Variants in ALCAM observed in about 807,000 individuals in gnomAD.
ALCAM encodes CD166 antigen.
ALCAM carries 30 observed loss-of-function variants against 70.9 expected under a neutral mutation model. That is an observed-to-expected ratio of 0.42 (90% CI 0.32 to 0.57). The LOEUF (loss-of-function observed/expected upper bound fraction) is 0.57, where lower values mean the gene tolerates loss of function less well. ALCAM is among the 20% of genes least tolerant of loss of function. The probability of loss-of-function intolerance (pLI) is 0.11; values close to 1 mark genes in which losing one functional copy is unlikely to be tolerated. For missense variants in ALCAM, 591 were observed against 695.1 expected (o/e 0.85, Z 1.68); for synonymous variants, 249 against 242.5 (o/e 1.03, Z -0.25).
At chr3:105,429,405 C>T (rs1936871662) in intron 1 of ALCAM, among the ~76,000 whole-genome samples, 2 of 151,968 alleles carry the variant, frequency 1.3e-5, no homozygotes, top group African/African-American at 2.4e-5. Flanking sequence ...AAGTCACAGG[C>T]ATATGAACTA....
intron 12 of ALCAM, among the ~76,000 whole-genome samples, chr3:105,551,568 G>A (rs938970468): frequency 3.3e-5 from 5 of 151,352 alleles, no homozygotes; most frequent in Non-Finnish European, 5.9e-5. Flanking sequence ...TCAACACAGT[G>A]GTAATTCTTA....
chr3:105,446,935 T>C (rs1410716477), intron 1 of ALCAM, among the ~76,000 whole-genome samples: 1 of 152,120 alleles, frequency 6.6e-6, no homozygotes, highest in Non-Finnish European at 1.5e-5. Flanking sequence ...GGTTCTGGTG[T>C]TCTATTGCAC....
chr3:105,560,107 G>C (rs1281968554), intron 14 of ALCAM, among the ~76,000 whole-genome samples: 1 of 152,098 alleles, frequency 6.6e-6, no homozygotes, highest in Non-Finnish European at 1.5e-5. Flanking sequence ...TCTTCCAGCA[G>C]ACATTTGTTT....
intron 1 of ALCAM, among the ~76,000 whole-genome samples, chr3:105,402,516 A>G (rs894184309): frequency 6.6e-6 from 1 of 152,152 alleles, no homozygotes; most frequent in Non-Finnish European, 1.5e-5. Context: ...CCTGCTGCAT[A>G]GAAATAGACT....
chr3:105,493,507 G>A lies in ALCAM; in HGVS notation c.74-26560G>A, dbSNP rs538780597. Among the ~76,000 whole-genome samples, 6 of 152,120 alleles carry A rather than the reference G, an allele frequency of 3.9e-5. No homozygotes were observed. In the South Asian group the frequency reaches 1.0e-3, roughly 26 times the overall value. ...GGAGATTATCATGGATTATCCAGTC[G>A]GGCTCAACCTAATTACATGAGGCCT... On this transcript the variant is annotated intron_variant, in intron 1 of 15. Coordinates refer to ENST00000306107, the MANE Select transcript of ALCAM (RefSeq NM_001627.4).
At chr3:105,404,940 C>G (rs1294382923) in intron 1 of ALCAM, among the ~76,000 whole-genome samples, 3 of 151,996 alleles carry the variant, frequency 2.0e-5, no homozygotes, top group Non-Finnish European at 2.9e-5. Flanking sequence ...ATTAGCTGTT[C>G]TTATGTCAGA....
chr3:105,372,537 T>C (rs1001036264), intron 1 of ALCAM, among the ~76,000 whole-genome samples: 11 of 152,084 alleles, frequency 7.2e-5, no homozygotes, highest in Non-Finnish European at 1.5e-4. Flanking sequence ...CAGTTCTCAA[T>C]TATCCATTCC....
chr3:105,403,387 C>A (rs1936140776), intron 1 of ALCAM, among the ~76,000 whole-genome samples: 1 of 152,160 alleles, frequency 6.6e-6, no homozygotes. Context: ...GCTGCGAGAC[C>A]TGAAAACGGA....
At chr3:105,406,423 T>G (rs1936233923) in intron 1 of ALCAM, among the ~76,000 whole-genome samples, 1 of 152,144 alleles carries the variant, frequency 6.6e-6, no homozygotes, top group Non-Finnish European at 1.5e-5. Context: ...TCCCAGCCAT[T>G]GTATAAGGGC....
Position 105,414,298 on chromosome 3 carries a change from C to G in ALCAM, c.73+46817C>G, listed in dbSNP as rs117623948. ...AGGTGTGGTGCTGCGCACCTATGGT[C>G]CTAGGAACTCAGGAGGCTGAGGTGG... On this transcript the variant is annotated intron_variant, in intron 1 of 15. Coordinates refer to ENST00000306107, the MANE Select transcript of ALCAM (RefSeq NM_001627.4). Among the ~76,000 whole-genome samples the G allele has an allele frequency of 2.7e-4, 41 of 151,620 alleles. No individual in the cohort carries two copies. The East Asian group carries it at 8.0e-3, about 30-fold the overall frequency.
rs181704656 is a variant in ALCAM, at chr3:105,493,022, G to T, written c.74-27045G>T. Among the ~76,000 whole-genome samples the T allele has an allele frequency of 6.1e-4, 92 of 151,868 alleles. 1 individual carries two copies. The highest frequency in any genetic ancestry group is 5.4e-4 in the Non-Finnish European group (37 of 67,898). ...ATTAAGTACTTTAGATATTTTTTAG[G>T]TTTGATACAAATTAAATTTCAACTT... On this transcript the variant is annotated intron_variant, in intron 1 of 15. Transcript: ENST00000306107.
Position 105,450,581 on chromosome 3 carries a change from A to G in ALCAM, c.74-69486A>G, listed in dbSNP as rs529069750. 3.3e-5 allele frequency among the ~76,000 whole-genome samples: 5 copies of G among 152,346 alleles called. No homozygotes were observed. The East Asian group carries it at 9.6e-4, about 29-fold the overall frequency. On this transcript the variant is annotated intron_variant, in intron 1 of 15. Transcript: ENST00000306107. ...TGTATGGGTGCCATAAGTCTCTTTG[A>G]GAAAACTAATGATAATAATAGTAAT...
intron 1 of ALCAM, among the ~76,000 whole-genome samples, chr3:105,423,672 G>A (rs1050555059): frequency 2.0e-5 from 3 of 151,462 alleles, no homozygotes; most frequent in Non-Finnish European, 4.4e-5. Flanking sequence ...TATTTCGCTA[G>A]AAATTTATAC....
intron 1 of ALCAM, among the ~76,000 whole-genome samples, chr3:105,484,320 A>G (rs1026960703): frequency 6.7e-6 from 1 of 150,062 alleles, no homozygotes; most frequent in African/African-American, 2.4e-5. Context: ...TTATTTATAT[A>G]AACTGGGAAA....
rs550055574 is a variant in ALCAM, at chr3:105,377,095, A to G, written c.73+9614A>G. Reference sequence around the variant, plus strand: ...AATAAAGTGGAAACATACCATATACATCATTTTGTACCTTTCCTTTTTCAT... The same window carrying G: ...AATAAAGTGGAAACATACCATATACGTCATTTTGTACCTTTCCTTTTTCAT... On this transcript the variant is annotated intron_variant, in intron 1 of 15. Transcript: ENST00000306107. Among the ~76,000 whole-genome samples, 94 of 152,302 alleles carry G rather than the reference A, an allele frequency of 6.2e-4. 3 individuals carry two copies. Among genetic ancestry groups the G allele is most frequent in the Non-Finnish European group, 1.6e-4 (11 of 68,004 alleles).
intron 14 of ALCAM, among the ~76,000 whole-genome samples, chr3:105,558,986 C>T (rs1459385126): frequency 6.6e-6 from 1 of 151,922 alleles, no homozygotes. Context: ...AGGCCAAGAC[C>T]CCTCTCTGCC....
At chr3:105,414,762 G>T (rs1362113870) in intron 1 of ALCAM, among the ~76,000 whole-genome samples, 1 of 152,064 alleles carries the variant, frequency 6.6e-6, no homozygotes, top group Non-Finnish European at 1.5e-5. Flanking sequence ...TATTGAAGAA[G>T]GACTTGAATT....
intron 1 of ALCAM, among the ~76,000 whole-genome samples, chr3:105,442,869 C>T (rs903218786): frequency 1.3e-5 from 2 of 152,168 alleles, no homozygotes; most frequent in African/African-American, 2.4e-5. Flanking sequence ...AGGTCTCCTT[C>T]TGTTGCGCAT....
chr3:105,392,524 T>A (rs910068929), intron 1 of ALCAM, among the ~76,000 whole-genome samples: 7 of 151,264 alleles, frequency 4.6e-5, no homozygotes, highest in Non-Finnish European at 8.9e-5. Flanking sequence ...TTAAAAAAAA[T>A]AGCTCGTAGA....
Sources: gnomAD v4.1 joint callset for allele counts (sites outside exome capture counted in the v4.1 genomes callset) on GRCh38, gnomAD v4.1.1 for gene constraint, MANE v1.5 for transcripts, NCBI Gene and HGNC (gene_info 2026-07-23, HGNC 2026-07-21) for gene names.